Variants in RAB40B observed in about 807,000 individuals in gnomAD.
RAB40B encodes the protein ras-related protein Rab-40B.
Under a neutral mutation model 24.0 loss-of-function variants are expected in RAB40B, and 21 were observed. The ratio of observed to expected loss-of-function variants is 0.88; its 90% CI spans 0.62 to 1.26. RAB40B has a LOEUF of 1.26. Among genes scored for constraint, RAB40B ranks in the 50% most tolerant of loss-of-function variants. The pLI, the probability that RAB40B is intolerant of heterozygous loss-of-function variation, is 0.00. For synonymous variants in RAB40B, 167 were observed against 169.8 expected (o/e 0.98, Z 0.13); for missense variants, 348 against 390.5 (o/e 0.89, Z 0.92).
intron 1 of RAB40B, among the ~76,000 whole-genome samples, chr17:82,687,497 GTAAT>G (rs1465627269): frequency 1.3e-5 from 2 of 152,110 alleles, no homozygotes; most frequent in Admixed American, 6.5e-5. Context: ...TAGGGGGAGG[GTAAT>G]TAATTAATTA....
At chr17:82,672,935 G>A (rs1291048573) in intron 1 of RAB40B, among the ~76,000 whole-genome samples, 1 of 152,166 alleles carries the variant, frequency 6.6e-6, no homozygotes, top group Non-Finnish European at 1.5e-5. Flanking sequence ...CAGGCGTGAT[G>A]GTTCATGCCT....
In RAB40B at chr17:82,684,986, C is replaced by T. The variant is rs778276549; in HGVS notation, c.142+13469G>A. The stretch of plus-strand genomic sequence containing the variant: ...AAAATTACCCGGGCGTGGTGGCAGG[C>T]GCCTATAATCCCAGCTACTCAGGAG... On this transcript the variant is annotated intron_variant, in intron 1 of 5. Transcript: ENST00000571995. 7.3e-5 allele frequency among the ~76,000 whole-genome samples: 11 copies of T among 151,574 alleles called. No homozygotes were observed. The East Asian group carries it at 7.8e-4, about 11-fold the overall frequency.
rs111174351 is a variant in RAB40B, at chr17:82,672,078, C to T, written c.143-7522G>A. ...GTAACTCTAACACACACACATGCTC[C>T]CTGTACTCACTGACACACCCCACCC... On this transcript the variant is annotated intron_variant, in intron 1 of 5. Coordinates refer to ENST00000571995, the MANE Select transcript of RAB40B (RefSeq NM_006822.3). 3.5e-4 allele frequency among the ~76,000 whole-genome samples: 20 copies of T among 57,636 alleles called. 1 individual carries two copies. Among genetic ancestry groups the T allele is most frequent in the East Asian group, 1.2e-3 (2 of 1,682 alleles). The allele number at this position is 57,636 out of a possible 152,430, so 37.8% of individuals were successfully genotyped here. A position where few individuals can be genotyped will look rare whatever the true frequency, so the allele number is the denominator to read the frequency against.
intron 2 of RAB40B, among the ~76,000 whole-genome samples, chr17:82,661,609 G>A (rs1051317619): frequency 2.4e-4 from 37 of 152,146 alleles, no homozygotes; most frequent in African/African-American, 8.2e-4. Flanking sequence ...ATGAAAGGCC[G>A]GGCTTGGCGG....
At chr17:82,682,940 C>T (rs1289695845) in intron 1 of RAB40B, among the ~76,000 whole-genome samples, 1 of 152,156 alleles carries the variant, frequency 6.6e-6, no homozygotes, top group Non-Finnish European at 1.5e-5. Flanking sequence ...GTCAGGAGAT[C>T]GAGACCATCC....
In RAB40B at chr17:82,663,056, A is replaced by G. The variant is rs943546518; in HGVS notation, c.203+1440T>C. ...GAGGCAGCAAAGGCCCAGCTGGCGG[A>G]GGGTGGGGAGCAGGACAGGGGCTGA... is the stretch of plus-strand genomic sequence containing the variant. On this transcript the variant is annotated intron_variant, in intron 2 of 5. Coordinates refer to ENST00000571995, the MANE Select transcript of RAB40B (RefSeq NM_006822.3). The surrounding 1 kb of genome is among the most constrained non-coding windows in gnomAD (Gnocchi z 6.2). Among the ~76,000 whole-genome samples the G allele has an allele frequency of 6.6e-6, 1 of 151,786 alleles. No homozygotes were observed. The highest frequency in any genetic ancestry group is 6.5e-5 in the Admixed American group (1 of 15,272).
At chr17:82,658,164 G>C in intron 5 of RAB40B, 30 bp from the exon 6 acceptor site, 1 of 1,598,722 alleles carries the variant, frequency 6.3e-7, no homozygotes, top group African/African-American at 1.3e-5. Flanking sequence ...ACCTTGCTTA[G>C]TGGATGTCCC....
At position 82,657,969 on chromosome 17, in the gene RAB40B, G is replaced by A. The variant is rs2046106510; in HGVS notation, c.731C>T (p.Thr244Ile). Residue 244 changes from threonine to isoleucine, a missense_variant, in exon 6 of 6, where the codon ACC (threonine) becomes ATC (isoleucine). Physicochemically the swap from Thr to Ile is moderately conservative, Grantham distance 89. Around this residue, in one of 3 missense-constraint regions of RAB40B, gnomAD observed 121 missense variants for 124.0 expected, o/e 0.98. Coordinates refer to ENST00000571995, the MANE Select transcript of RAB40B (RefSeq NM_006822.3). ...RMMHGGSYSL[T>I]TSSTHKRSSL... ...GCTCCTTTTGTGGGTGGAGCTGGTGGTGAGGGAGTAGGAACCGCCGTGCAT... is the reference window on the plus strand; with the variant it reads ...GCTCCTTTTGTGGGTGGAGCTGGTGATGAGGGAGTAGGAACCGCCGTGCAT... 3.7e-6 allele frequency: 6 copies of A among 1,614,210 alleles called. No homozygotes were observed. In the Middle Eastern group the frequency reaches 4.9e-4, roughly 133 times the overall value.
At chr17:82,681,043 A>G (rs58213596) in intron 1 of RAB40B, among the ~76,000 whole-genome samples, 2 of 132,450 alleles carry the variant, frequency 1.5e-5, no homozygotes, top group African/African-American at 2.7e-5. Context: ...AAAAAAAAAA[A>G]AAAAAAAGAA....
intron 1 of RAB40B, among the ~76,000 whole-genome samples, chr17:82,680,398 C>T (rs777074373): frequency 5.9e-5 from 9 of 152,196 alleles, no homozygotes; most frequent in African/African-American, 1.2e-4. Context: ...GCAGTTCCCC[C>T]ACGTGTGTGA....
intron 2 of RAB40B, among the ~76,000 whole-genome samples, chr17:82,661,736 A>C (rs2143455942): frequency 6.6e-6 from 1 of 152,106 alleles, no homozygotes; most frequent in South Asian, 2.1e-4. Flanking sequence ...AAAATACAAA[A>C]ATTAGCTGGA....
chr17:82,696,575 C>G (rs141454292), intron 1 of RAB40B: 2 of 167,382 alleles, frequency 1.2e-5, no homozygotes, highest in African/African-American at 4.8e-5. Flanking sequence ...TCCAGGCGCT[C>G]AATCTCCAGC....
At chr17:82,676,958 A>AT (rs1555657978) in intron 1 of RAB40B, among the ~76,000 whole-genome samples, 1 of 137,050 alleles carries the variant, frequency 7.3e-6, no homozygotes. Context: ...TTATTTATTT[A>AT]TTTTTTCTGA....
intron 1 of RAB40B, among the ~76,000 whole-genome samples, chr17:82,670,005 G>A (rs754746279): frequency 1.5e-4 from 23 of 152,196 alleles, no homozygotes; most frequent in African/African-American, 4.8e-4. Flanking sequence ...ATCTATTTTC[G>A]AATGCGGAGA....
chr17:82,697,770 C>T lies in RAB40B; in HGVS notation c.142+685G>A, dbSNP rs2046625998. On this transcript the variant is annotated intron_variant, in intron 1 of 5. Transcript: ENST00000571995. The surrounding 1 kb of genome is among the most constrained non-coding windows in gnomAD (Gnocchi z 4.9). The stretch of plus-strand genomic sequence containing the variant: ...GCCTCAAACTTGGGGGATCCCCGGG[C>T]TGCCTGCCTGGGAGCTCTGGGCGCT... 6.6e-6 allele frequency among the ~76,000 whole-genome samples: 1 copy of T among 152,346 alleles called. No homozygotes were observed. Among genetic ancestry groups the T allele is most frequent in the Admixed American group, 6.5e-5 (1 of 15,310 alleles).
Position 82,661,066 on chromosome 17 carries a change from A to G in RAB40B, c.204-19T>C, listed in dbSNP as rs199586923. Reference sequence around the variant, plus strand: ...AGTATCCCTGGAAAAGATGTTGGAGACCATTAAGAAGAAACCAGTGCTTCT... The same window carrying G: ...AGTATCCCTGGAAAAGATGTTGGAGGCCATTAAGAAGAAACCAGTGCTTCT... On this transcript the variant is annotated intron_variant, in intron 2 of 5. Coordinates refer to ENST00000571995, the MANE Select transcript of RAB40B (RefSeq NM_006822.3). 3 of 1,613,608 alleles carry G rather than the reference A, an allele frequency of 1.9e-6. No individual in the cohort carries two copies. The East Asian group carries it at 6.7e-5, about 36-fold the overall frequency.
chr17:82,693,722 C>T (rs535047730), intron 1 of RAB40B, among the ~76,000 whole-genome samples: 18 of 152,254 alleles, frequency 1.2e-4, no homozygotes, highest in African/African-American at 4.1e-4. Context: ...TGAGAATTAA[C>T]ACCCCACAGC....
At position 82,667,936 on chromosome 17, in the gene RAB40B, G is replaced by A. The variant is rs767219695; in HGVS notation, c.143-3380C>T. Among the ~76,000 whole-genome samples, 3 of 152,130 alleles carry A rather than the reference G, an allele frequency of 2.0e-5. No individual in the cohort carries two copies. Among genetic ancestry groups the A allele is most frequent in the Non-Finnish European group, 2.9e-5 (2 of 68,024 alleles). Reference sequence around the variant, plus strand: ...CTGTCTCTCTCTTCTTGGCATGGGCGCTGACGGGGCACTGATGGGGCCTTT... The same window carrying A: ...CTGTCTCTCTCTTCTTGGCATGGGCACTGACGGGGCACTGATGGGGCCTTT... On this transcript the variant is annotated intron_variant, in intron 1 of 5. Transcript: ENST00000571995. This position sits in a 1 kb window ranked among gnomAD's most constrained non-coding sequence, Gnocchi z 4.3.
chr17:82,697,224 C>T lies in RAB40B; in HGVS notation c.142+1231G>A, dbSNP rs1313351475. ...CCGGGCACCTGAGTCCCACCCCACG[C>T]TCCACAGTCTCAGGCCACCCCCTCC... On this transcript the variant is annotated intron_variant, in intron 1 of 5. Coordinates refer to ENST00000571995, the MANE Select transcript of RAB40B (RefSeq NM_006822.3). This position sits in a 1 kb window ranked among gnomAD's most constrained non-coding sequence, Gnocchi z 4.9. Among the ~76,000 whole-genome samples, 2 of 152,168 alleles carry T rather than the reference C, an allele frequency of 1.3e-5. No homozygotes were observed. The highest frequency in any genetic ancestry group is 2.9e-5 in the Non-Finnish European group (2 of 68,024).
Sources: allele counts gnomAD v4.1 joint callset (sites outside exome capture counted in the v4.1 genomes callset), GRCh38; gene constraint gnomAD v4.1.1; regional missense constraint gnomAD v4.1.1; non-coding constraint Gnocchi (gnomAD v3.1); transcripts MANE v1.5; gene names NCBI Gene and HGNC (gene_info 2026-07-23, HGNC 2026-07-21).